The following ZDHHC13 variants were observed in gnomAD, a reference collection of about 807,000 sequenced individuals.
ZDHHC13 encodes zDHHC palmitoyltransferase 13.
A neutral mutation model predicts 86.0 loss-of-function variants in ZDHHC13; 85 were observed. The ratio of observed to expected loss-of-function variants is 0.99; its 90% CI spans 0.83 to 1.18. The LOEUF is 1.18. ZDHHC13 is among the 50% of genes most tolerant of loss of function. ZDHHC13 has a pLI of 0.00. For missense variants in ZDHHC13, 711 were observed against 730.2 expected, an observed-to-expected ratio of 0.97 and a Z score of 0.30; for synonymous variants, 263 against 246.4, an observed-to-expected ratio of 1.07 and a Z score of -0.63.
chr11:19,155,417 C>T (rs1428921199), intron 8 of ZDHHC13, among the ~76,000 whole-genome samples: 1 of 151,914 alleles, frequency 6.6e-6, no homozygotes, highest in African/African-American at 2.4e-5. Context: ...CCCGTCTCTA[C>T]TAAATATACA....
chr11:19,142,828 G>A (rs543983253), intron 1 of ZDHHC13, 150 bp from the exon 2 acceptor site: 148 of 807,762 alleles, frequency 1.8e-4, no homozygotes, highest in Middle Eastern at 1.1e-3. Context: ...TCCGCCTCCT[G>A]GGTTCAAGTC....
intron 1 of ZDHHC13, among the ~76,000 whole-genome samples, chr11:19,136,704 G>T (rs1849151771): frequency 6.6e-6 from 1 of 152,240 alleles, no homozygotes; most frequent in Admixed American, 6.5e-5. Context: ...AAGCCCATCA[G>T]ACTAACAGCA....
chr11:19,141,761 A>G (rs1359697784), intron 1 of ZDHHC13, among the ~76,000 whole-genome samples: 1 of 151,726 alleles, frequency 6.6e-6, no homozygotes, highest in South Asian at 2.1e-4. Context: ...AAACACTCAA[A>G]TTAGTTTGAA....
rs1848670548 is a variant in ZDHHC13 at position 19,117,534 on chromosome 11, C to T, written c.27+258C>T. Among the ~76,000 whole-genome samples, 1 of 152,044 alleles carries T rather than the reference C, an allele frequency of 6.6e-6. No homozygotes were observed. The highest frequency in any genetic ancestry group is 2.1e-4 in the South Asian group (1 of 4,818). ...GCCTCCATCCCTGGCCAGGGCGCCC[C>T]CTGGGGCCGGTACCCGGAGCCCGGC... On this transcript the variant is annotated intron_variant, in intron 1 of 16. Transcript: ENST00000446113. This position sits in a 1 kb window ranked among gnomAD's most constrained non-coding sequence, Gnocchi z 4.2.
At chr11:19,153,479 G>T (rs915082042) in intron 8 of ZDHHC13, among the ~76,000 whole-genome samples, 10 of 152,162 alleles carry the variant, frequency 6.6e-5, no homozygotes, top group African/African-American at 2.4e-4. Flanking sequence ...GTATTCTTAT[G>T]TAGAGGATCA....
At chr11:19,137,863 C>T (rs376951255) in intron 1 of ZDHHC13, among the ~76,000 whole-genome samples, 43 of 150,920 alleles carry the variant, frequency 2.8e-4, no homozygotes, top group East Asian at 1.2e-3. Flanking sequence ...TTGAAACCAA[C>T]GAGAACAAAG....
chr11:19,140,771 A>G (rs1246319197), intron 1 of ZDHHC13, among the ~76,000 whole-genome samples: 2 of 152,186 alleles, frequency 1.3e-5, no homozygotes, highest in Non-Finnish European at 2.9e-5. Flanking sequence ...TTGTGGGGAC[A>G]TGGATGAAAT....
At chr11:19,143,252 A>G in intron 2 of ZDHHC13, 129 bp downstream of exon 2, 1 of 969,966 alleles carries the variant, frequency 1.0e-6, no homozygotes, top group Non-Finnish European at 1.5e-6. Context: ...CAGCACCAGT[A>G]TATTTGTCAT....
chr11:19,174,074 A>G (rs896853070), intron 16 of ZDHHC13, among the ~76,000 whole-genome samples: 2 of 152,208 alleles, frequency 1.3e-5, no homozygotes, highest in Non-Finnish European at 2.9e-5. Flanking sequence ...AAGAACCCCA[A>G]TGGATGCCTG....
At chr11:19,120,352 C>G (rs1023457496) in intron 1 of ZDHHC13, among the ~76,000 whole-genome samples, 1 of 152,216 alleles carries the variant, frequency 6.6e-6, no homozygotes, top group Admixed American at 6.5e-5. Flanking sequence ...TCTTCACTTA[C>G]ATCTGGCAGT....
intron 9 of ZDHHC13, 74 bp from the exon 10 acceptor site, chr11:19,158,866 A>G: frequency 2.0e-6 from 2 of 982,814 alleles, no homozygotes; most frequent in Non-Finnish European, 2.9e-6. Flanking sequence ...TACTACCATT[A>G]TTATTTAGGG....
At chr11:19,172,846 G>C in intron 16 of ZDHHC13, 26 bp downstream of exon 16, 1 of 1,558,040 alleles carries the variant, frequency 6.4e-7, no homozygotes, top group Non-Finnish European at 8.7e-7. Flanking sequence ...TTTGGATGCT[G>C]AGTCCTGTGG....
rs1201214683 is a variant in ZDHHC13, at chr11:19,117,356, A to T, written c.27+80A>T. The T allele has an allele frequency of 7.4e-7, 1 of 1,349,110 alleles. No individual in the cohort carries two copies. 83.6% of individuals were successfully genotyped at this position (1,349,110 alleles called of 1,614,324 possible). Reference sequence around the variant, plus strand: ...TGGAGGAAAGGATGGTGTGGGTGAGAGGCCGCTCGATGAGGGGGTTTCGGG... The same window carrying T: ...TGGAGGAAAGGATGGTGTGGGTGAGTGGCCGCTCGATGAGGGGGTTTCGGG... On this transcript the variant is annotated intron_variant, in intron 1 of 16. Transcript: ENST00000446113. The surrounding 1 kb of genome is among the most constrained non-coding windows in gnomAD (Gnocchi z 4.2).
In ZDHHC13 at chr11:19,126,316, CCTT is replaced by C. The variant is rs1188741793; in HGVS notation, c.27+9047_27+9049del. ...AAGTATACCCCAGTGTCTGTTGTTC[CCTT>C]CTTCTTTTTTTCTTTTCTTTTTCTT... is the stretch of plus-strand genomic sequence containing the variant. On this transcript the variant is annotated intron_variant, in intron 1 of 16. Transcript: ENST00000446113. Among the ~76,000 whole-genome samples, 31 of 149,440 alleles carry C rather than the reference CCTT, an allele frequency of 2.1e-4. No homozygotes were observed. The South Asian group carries it at 2.3e-3, about 11-fold the overall frequency.
intron 1 of ZDHHC13, among the ~76,000 whole-genome samples, chr11:19,140,393 A>G (rs1043017232): frequency 3.0e-4 from 45 of 152,320 alleles, no homozygotes; most frequent in Non-Finnish European, 4.7e-4. Flanking sequence ...TTAGAATGGC[A>G]ATCCTTAAAA....
chr11:19,162,791 G>T (rs918980283), intron 10 of ZDHHC13, among the ~76,000 whole-genome samples: 7 of 152,210 alleles, frequency 4.6e-5, no homozygotes, highest in Admixed American at 2.0e-4. Flanking sequence ...GTCGTGTGTC[G>T]ATCAGGATTT....
rs755036925 is a variant in ZDHHC13, at chr11:19,158,997, T to C, written c.1065T>C (p.Ser355=). The C allele has an allele frequency of 6.5e-7, 1 of 1,549,886 alleles. No homozygotes were observed. The highest frequency in any genetic ancestry group is 8.7e-7 in the Non-Finnish European group (1 of 1,146,258). The change falls in exon 10 of 17, where the codon TCT becomes TCC. Residue 355 remains serine, a synonymous_variant. Transcript: ENST00000446113. Reference sequence around the variant, plus strand: ...TACCAACAGCCTTTCTGCTAAGTTCTGTTTTTTGGATATTTATGACTTGGT... The same window carrying C: ...TACCAACAGCCTTTCTGCTAAGTTCCGTTTTTTGGATATTTATGACTTGGT... ...VYLPTAFLLS[S]VFWIFMTWFI...
At chr11:19,168,792 TG>T in intron 14 of ZDHHC13, 1 of 985,408 alleles carries the variant, frequency 1.0e-6, no homozygotes, top group Non-Finnish European at 1.2e-6. Flanking sequence ...CTGCTACTTC[TG>T]TACAGCCTCC....
chr11:19,136,509 A>G (rs1309985989), intron 1 of ZDHHC13, among the ~76,000 whole-genome samples: 1 of 152,270 alleles, frequency 6.6e-6, no homozygotes, highest in Non-Finnish European at 1.5e-5. Flanking sequence ...GCAGGCTATT[A>G]TCCAGGAGAA....
Sources: gnomAD v4.1 joint callset for allele counts (sites outside exome capture counted in the v4.1 genomes callset) on GRCh38, gnomAD v4.1.1 for gene constraint, Gnocchi (gnomAD v3.1) non-coding constraint, MANE v1.5 for transcripts, NCBI Gene and HGNC (gene_info 2026-07-23, HGNC 2026-07-21) for gene names.